ALDH4A1: variants seen among roughly 807,000 people sequenced by gnomAD.
ALDH4A1 encodes delta-1-pyrroline-5-carboxylate dehydrogenase, mitochondrial.
A neutral mutation model predicts 70.5 loss-of-function variants in ALDH4A1; 46 were observed. The ratio of observed to expected loss-of-function variants is 0.65; its 90% CI spans 0.51 to 0.83. The LOEUF (loss-of-function observed/expected upper bound fraction) is 0.83, where lower values mean the gene tolerates loss of function less well. ALDH4A1 is among the 40% of genes least tolerant of loss of function. The pLI, the probability that ALDH4A1 is intolerant of heterozygous loss-of-function variation, is 0.00. For missense variants in ALDH4A1, 749 were observed against 766.5 expected (o/e 0.98, Z 0.27); for synonymous variants, 323 against 324.3 (o/e 1.00, Z 0.04).
intron 11 of ALDH4A1, among the ~76,000 whole-genome samples, chr1:18,876,682 C>CGTGTGTGTGTGTGTGTGTGTGTGTGT (rs1557611270): frequency 1.5e-3 from 4 of 2,680 alleles, no homozygotes; most frequent in East Asian, 0.014. Flanking sequence ...TGTGTGTGTA[C>CGTGTGTGTGTGTGTGTGTGTGTGTGT]ACACACAAGT....
rs1935680577 is a variant in ALDH4A1 at position 18,898,001 on chromosome 1, CCT to C, written c.62+4459_62+4460del. On this transcript the variant is annotated intron_variant, in intron 1 of 14. Coordinates refer to ENST00000375341, the MANE Select transcript of ALDH4A1 (RefSeq NM_003748.4). This position sits in a 1 kb window ranked among gnomAD's most constrained non-coding sequence, Gnocchi z 4.3. ...AGAAAGGGAGAAGTCTTTTCCATCCCCTGAGGTGAGCAGGGTCAAAACCCTAA... is the reference window on the plus strand; with the variant it reads ...AGAAAGGGAGAAGTCTTTTCCATCCCGAGGTGAGCAGGGTCAAAACCCTAA... 6.6e-6 allele frequency among the ~76,000 whole-genome samples: 1 copy of C among 152,056 alleles called. No homozygotes were observed. The highest frequency in any genetic ancestry group is 1.5e-5 in the Non-Finnish European group (1 of 67,992).
At chr1:18,881,992 G>T in intron 7 of ALDH4A1, 105 bp from the exon 8 acceptor site, 1 of 1,136,436 alleles carries the variant, frequency 8.8e-7, no homozygotes, top group Non-Finnish European at 1.3e-6. Context: ...GGAACCACCA[G>T]ACTCTGTGCC....
chr1:18,875,545 G>A, intron 12 of ALDH4A1, 42 bp from the exon 13 acceptor site: 1 of 1,613,386 alleles, frequency 6.2e-7, no homozygotes, highest in Non-Finnish European at 8.5e-7. Flanking sequence ...ACGGGACCAG[G>A]GACCAGGGCC....
chr1:18,873,091 T>C (rs1569709348), intron 14 of ALDH4A1, 134 bp from the exon 15 acceptor site: 2 of 759,558 alleles, frequency 2.6e-6, no homozygotes, highest in African/African-American at 1.7e-5. Flanking sequence ...GCTTGGGGCA[T>C]GCAGAAGAGC....
At chr1:18,875,171 A>G (rs28481840) in intron 13 of ALDH4A1, among the ~76,000 whole-genome samples, 77,136 of 152,044 alleles carry the variant, frequency 0.51, 19,855 homozygotes, top group East Asian at 0.69. Context: ...CCCCAGTGGC[A>G]CCCTGGCACC....
At chr1:18,894,580 T>C (rs1290947812) in intron 1 of ALDH4A1, among the ~76,000 whole-genome samples, 1 of 152,180 alleles carries the variant, frequency 6.6e-6, no homozygotes. Context: ...CCAGTTCTCC[T>C]TTCTCCGTTC....
intron 5 of ALDH4A1, chr1:18,885,263 C>A: frequency 1.7e-6 from 1 of 604,530 alleles, no homozygotes; most frequent in Non-Finnish European, 2.9e-6. Flanking sequence ...ATTTCCGAGG[C>A]AGGACACATG....
At chr1:18,892,563 G>A (rs938809684) in intron 1 of ALDH4A1, among the ~76,000 whole-genome samples, 10 of 151,840 alleles carry the variant, frequency 6.6e-5, no homozygotes, top group African/African-American at 1.9e-4. Flanking sequence ...GGAGGCGGGG[G>A]GGGGCTGAGA....
rs1934648496 is a variant in ALDH4A1, at chr1:18,875,631, G to C, written c.1339-128C>G. 2.1e-6 allele frequency: 3 copies of C among 1,457,698 alleles called. No homozygotes were observed. The African/African-American group carries it at 4.2e-5, about 21-fold the overall frequency. 90.3% of individuals were successfully genotyped at this position (1,457,698 alleles called of 1,614,324 possible). ...GGCCTCAGTTTACACTTCAGTGTCT[G>C]CAAGAAGGGTCAGGTGTCGCCTCCT... On this transcript the variant is annotated intron_variant, in intron 12 of 14. Coordinates refer to ENST00000375341, the MANE Select transcript of ALDH4A1 (RefSeq NM_003748.4).
intron 1 of ALDH4A1, among the ~76,000 whole-genome samples, chr1:18,891,564 G>C (rs1935432178): frequency 6.6e-6 from 1 of 152,166 alleles, no homozygotes; most frequent in South Asian, 2.1e-4. Flanking sequence ...AACCCATGGG[G>C]TTTGGCAGGG....
intron 1 of ALDH4A1, among the ~76,000 whole-genome samples, chr1:18,896,403 C>T (rs1278878071): frequency 6.6e-6 from 1 of 152,212 alleles, no homozygotes; most frequent in African/African-American, 2.4e-5. Context: ...CCCTTGGGTT[C>T]CCCAGTGGCT....
chr1:18,890,110 A>G lies in ALDH4A1; in HGVS notation c.63-5T>C. On this transcript the variant is annotated splice_region_variant and splice_polypyrimidine_tract_variant and intron_variant, in intron 1 of 14. Coordinates refer to ENST00000375341, the MANE Select transcript of ALDH4A1 (RefSeq NM_003748.4). ...GAGGTGTGCTTCCACCGCAGGCTGG[A>G]ACACAAGGGCAGGGGACAGAGGCAG... The G allele has an allele frequency of 3.1e-6, 5 of 1,609,112 alleles. No homozygotes were observed. Among genetic ancestry groups the G allele is most frequent in the Non-Finnish European group, 4.2e-6 (5 of 1,177,776 alleles).
intron 1 of ALDH4A1, among the ~76,000 whole-genome samples, chr1:18,893,276 A>G (rs976420078): frequency 2.6e-5 from 4 of 152,318 alleles, no homozygotes; most frequent in African/African-American, 9.6e-5. Context: ...AAATGGGTAC[A>G]ATACTACCGA....
chr1:18,882,868 C>A (rs1378000363), intron 7 of ALDH4A1, among the ~76,000 whole-genome samples: 1 of 152,220 alleles, frequency 6.6e-6, no homozygotes. Context: ...CCTATTATTT[C>A]CACTTTGCAG....
At position 18,876,453 on chromosome 1, in the gene ALDH4A1, G is replaced by A; in HGVS notation, c.1200C>T (p.Ile400=). Residue 400 remains isoleucine, a synonymous_variant, in exon 12 of 15, where the codon ATC becomes ATT. Transcript: ENST00000375341. ...AVIDAKSFAR[I]KKWLEHARSS... is the part of the protein sequence containing the mutation. ...AGCGTGCGTGCTCCAGCCACTTCTT[G>A]ATACGGGCAAAGGACTGGGGTGGGC... 6.3e-7 allele frequency: 1 copy of A among 1,599,856 alleles called. No individual in the cohort carries two copies. The highest frequency in any genetic ancestry group is 8.5e-7 in the Non-Finnish European group (1 of 1,174,844).
At chr1:18,885,148 G>A (rs905545310) in intron 5 of ALDH4A1, 10 of 395,296 alleles carry the variant, frequency 2.5e-5, no homozygotes, top group African/African-American at 2.1e-4. Flanking sequence ...GGCGGCGAGG[G>A]GCTGACCAAG....
intron 1 of ALDH4A1, among the ~76,000 whole-genome samples, chr1:18,891,464 A>C (rs886993104): frequency 6.6e-6 from 1 of 151,666 alleles, no homozygotes; most frequent in Non-Finnish European, 1.5e-5. Flanking sequence ...AACAGCTGGA[A>C]GTGCACAGGT....
At position 18,885,453 on chromosome 1, in the gene ALDH4A1, CGGGCCCACCAGCACCTCACCTGT is replaced by C; in HGVS notation, c.450_453+19del. On this transcript the variant is annotated splice_donor_variant and splice_donor_5th_base_variant and coding_sequence_variant and intron_variant, in exon 5 of 15. Coordinates refer to ENST00000375341, the MANE Select transcript of ALDH4A1 (RefSeq NM_003748.4). LOFTEE classifies it high-confidence loss of function. The stretch of plus-strand genomic sequence containing the variant: ...CCCACCCCACCCCGCCCCACCCACC[CGGGCCCACCAGCACCTCACCTGT>C]CCCACCATGGTCTTGGCGAGGATCT... The C allele has an allele frequency of 6.9e-7, 1 of 1,451,150 alleles. No homozygotes were observed. Among genetic ancestry groups the C allele is most frequent in the Admixed American group, 2.1e-5 (1 of 48,702 alleles). 89.9% of individuals were successfully genotyped at this position (1,451,150 alleles called of 1,614,324 possible).
intron 3 of ALDH4A1, among the ~76,000 whole-genome samples, chr1:18,888,146 C>T (rs1935293377): frequency 6.6e-6 from 1 of 152,224 alleles, no homozygotes; most frequent in Admixed American, 6.5e-5. Context: ...ACGGACAATG[C>T]AGATCTGGAA....
Sources: gnomAD v4.1 joint callset for allele counts (sites outside exome capture counted in the v4.1 genomes callset) on GRCh38, gnomAD v4.1.1 for gene constraint, Gnocchi (gnomAD v3.1) non-coding constraint, MANE v1.5 for transcripts, NCBI Gene and HGNC (gene_info 2026-07-23, HGNC 2026-07-21) for gene names.